KAT6B: variants seen among roughly 807,000 people sequenced by gnomAD.
KAT6B encodes the protein lysine acetyltransferase 6B.
In KAT6B, 10 loss-of-function variants were observed where a neutral mutation model predicts 187.5. The observed-to-expected ratio is 0.05, with a 90% CI of 0.03 to 0.09. The LOEUF is 0.09. Among genes scored for constraint, KAT6B ranks in the 10% least tolerant of loss-of-function variants. KAT6B has a pLI of 1.00. For missense variants in KAT6B, 1,952 were observed against 2,558.9 expected, an observed-to-expected ratio of 0.76 and a Z score of 5.12; for synonymous variants, 861 against 926.8, an observed-to-expected ratio of 0.93 and a Z score of 1.29.
At chr10:74,984,565 T>A (rs1842709312) in intron 11 of KAT6B, 1 of 156,144 alleles carries the variant, frequency 6.4e-6, no homozygotes, top group South Asian at 1.9e-4. Flanking sequence ...ATATTTAAGA[T>A]GATGCTTGGG....
At chr10:74,981,730 C>A in intron 10 of KAT6B, 57 bp from the exon 11 acceptor site, 1 of 1,226,750 alleles carries the variant, frequency 8.2e-7, no homozygotes, top group Non-Finnish European at 1.2e-6. Context: ...AATATTTAAT[C>A]TTCCCCCCAA....
chr10:75,014,079 C>T (rs190186505), intron 13 of KAT6B, among the ~76,000 whole-genome samples: 1 of 152,324 alleles, frequency 6.6e-6, no homozygotes, highest in East Asian at 1.9e-4. Context: ...CTAAGATACT[C>T]TTTTTCCTTT....
chr10:74,879,389 G>A (rs567174766), intron 3 of KAT6B, among the ~76,000 whole-genome samples: 3 of 152,264 alleles, frequency 2.0e-5, no homozygotes, highest in African/African-American at 7.2e-5. Context: ...ATGGAAGCAG[G>A]TCATTTCTTG....
chr10:74,902,124 G>A (rs1337220558), intron 3 of KAT6B, among the ~76,000 whole-genome samples: 3 of 152,030 alleles, frequency 2.0e-5, no homozygotes, highest in Non-Finnish European at 4.4e-5. Context: ...CTCAATCTCT[G>A]TTTCGTGTAC....
chr10:75,022,344 A>G (rs1845496110), intron 16 of KAT6B, 113 bp downstream of exon 16: 4 of 1,128,412 alleles, frequency 3.5e-6, no homozygotes, highest in South Asian at 1.2e-5. Flanking sequence ...GTCGTAGTTT[A>G]TGTGTACCCA....
intron 3 of KAT6B, among the ~76,000 whole-genome samples, chr10:74,941,674 C>T (rs532174118): frequency 5.0e-4 from 76 of 152,086 alleles, no homozygotes; most frequent in Non-Finnish European, 6.6e-4. Context: ...CAAAGAAATT[C>T]GGTTCATAAT....
At chr10:74,904,417 C>T (rs1846611006) in intron 3 of KAT6B, among the ~76,000 whole-genome samples, 1 of 152,232 alleles carries the variant, frequency 6.6e-6, no homozygotes, top group Admixed American at 6.5e-5. Context: ...TGCCCTGCCA[C>T]ATGGCCCTCT....
chr10:74,938,900 C>A (rs1849455328), intron 3 of KAT6B, among the ~76,000 whole-genome samples: 1 of 152,012 alleles, frequency 6.6e-6, no homozygotes, highest in African/African-American at 2.4e-5. Flanking sequence ...CTATACCTGG[C>A]TAATTTTTGT....
At chr10:74,975,356 C>T (rs1842084098) in intron 7 of KAT6B, 43 bp from the exon 8 acceptor site, 2 of 1,540,204 alleles carry the variant, frequency 1.3e-6, no homozygotes, top group African/African-American at 2.7e-5. Context: ...CTTTATAATT[C>T]TATTTATTAA....
chr10:74,905,417 G>A (rs901568876), intron 3 of KAT6B, among the ~76,000 whole-genome samples: 17 of 152,148 alleles, frequency 1.1e-4, no homozygotes, highest in East Asian at 3.9e-4. Flanking sequence ...AAAGGTAGGC[G>A]GTAGGCTAAT....
At chr10:74,888,759 G>A (rs1490495299) in intron 3 of KAT6B, among the ~76,000 whole-genome samples, 2 of 152,120 alleles carry the variant, frequency 1.3e-5, no homozygotes, top group African/African-American at 4.8e-5. Flanking sequence ...GCACTGGAAT[G>A]GTGAAATATT....
At chr10:74,969,989 C>T (rs1323187911) in intron 5 of KAT6B, 31 bp from the exon 6 acceptor site, 6 of 1,510,552 alleles carry the variant, frequency 4.0e-6, no homozygotes, top group Non-Finnish European at 5.5e-6. Context: ...TGGTTTCAGT[C>T]TCAATTAGTC....
chr10:74,945,359 C>G (rs1032629806), intron 3 of KAT6B, among the ~76,000 whole-genome samples: 3 of 152,248 alleles, frequency 2.0e-5, no homozygotes, highest in African/African-American at 7.2e-5. Context: ...TTGCCTGGGT[C>G]TGAAAAGGGA....
chr10:74,934,057 G>C (rs893394706), intron 3 of KAT6B, among the ~76,000 whole-genome samples: 1 of 151,774 alleles, frequency 6.6e-6, no homozygotes, highest in Non-Finnish European at 1.5e-5. Flanking sequence ...GTGGTGGCAG[G>C]TACCTATAAT....
intron 3 of KAT6B, among the ~76,000 whole-genome samples, chr10:74,950,928 C>T (rs1840273424): frequency 6.6e-6 from 1 of 151,894 alleles, no homozygotes; most frequent in East Asian, 1.9e-4. Flanking sequence ...GCCTGGGCAA[C>T]ATGGTGAAAC....
At position 75,009,831 on chromosome 10, in the gene KAT6B, A is replaced by T. The variant is rs544050688; in HGVS notation, c.2630-10751A>T. On this transcript the variant is annotated intron_variant, in intron 13 of 17. Transcript: ENST00000287239. ...GACCAGCCTAACATGAAGCAACCCG[A>T]TCTCTACTAAAAATACAAAATTACC... Among the ~76,000 whole-genome samples, 9 of 152,102 alleles carry T rather than the reference A, an allele frequency of 5.9e-5. No homozygotes were observed. In the South Asian group the frequency reaches 1.9e-3, roughly 32 times the overall value.
chr10:74,981,955 A>G (rs773363719), intron 11 of KAT6B, 27 bp downstream of exon 11: 1 of 1,607,800 alleles, frequency 6.2e-7, no homozygotes, highest in Non-Finnish European at 8.5e-7. Context: ...AAAAAAATTC[A>G]GCTTTTTGAA....
intron 3 of KAT6B, among the ~76,000 whole-genome samples, chr10:74,857,461 C>G (rs960057835): frequency 2.6e-5 from 4 of 152,106 alleles, no homozygotes; most frequent in Non-Finnish European, 2.9e-5. Flanking sequence ...AGTTTTTCAG[C>G]TTTTAAAGGA....
rs141082461 is a variant in KAT6B at position 74,969,047 on chromosome 10, A to T, written c.731-613A>T. 8.2e-4 allele frequency among the ~76,000 whole-genome samples: 125 copies of T among 152,122 alleles called. 1 individual carries two copies. The East Asian group carries it at 0.022, about 27-fold the overall frequency. On this transcript the variant is annotated intron_variant, in intron 4 of 17. Transcript: ENST00000287239. The stretch of plus-strand genomic sequence containing the variant: ...TCAGCTTCTTAACTCTGTCTCTCAA[A>T]TTCACTGTTTTCTGCTCCTGCTTCC...
Sources: gnomAD v4.1 joint callset for allele counts (sites outside exome capture counted in the v4.1 genomes callset) on GRCh38, gnomAD v4.1.1 for gene constraint, MANE v1.5 for transcripts, NCBI Gene and HGNC (gene_info 2026-07-23, HGNC 2026-07-21) for gene names.